The following PPP1R9A variants were observed in gnomAD, a reference collection of about 807,000 sequenced individuals.
PPP1R9A encodes neurabin-1.
PPP1R9A carries 59 observed loss-of-function variants against 141.9 expected under a neutral mutation model. The observed-to-expected ratio is 0.42, with a 90% confidence interval of 0.34 to 0.52. PPP1R9A has a LOEUF of 0.52. Among genes scored for constraint, PPP1R9A ranks in the 20% least tolerant of loss-of-function variants. The pLI is 0.10. For synonymous variants in PPP1R9A, 500 were observed against 569.7 expected (o/e 0.88, Z 1.74); for missense variants, 1,444 against 1,611.9 (o/e 0.90, Z 1.78).
intron 2 of PPP1R9A, among the ~76,000 whole-genome samples, chr7:94,924,828 C>G (rs1793271979): frequency 6.6e-6 from 1 of 152,112 alleles, no homozygotes; most frequent in South Asian, 2.1e-4. Context: ...CTGCGTCTGG[C>G]CTACCAAACG....
At chr7:95,062,418 ATTT>A (rs576031319) in intron 2 of PPP1R9A, among the ~76,000 whole-genome samples, 6 of 138,576 alleles carry the variant, frequency 4.3e-5, no homozygotes, top group Non-Finnish European at 3.2e-5. Flanking sequence ...AGATTAGGGA[ATTT>A]TTTTTTTTTT....
At position 95,288,438 on chromosome 7, in the gene PPP1R9A, A is replaced by G. The variant is rs1050405512; in HGVS notation, c.3730-98A>G. ...CTTATCATATTTTGGTTTAAACATA[A>G]ATGTGGCTCTCATAGGTTAAGAAAT... On this transcript the variant is annotated intron_variant, in intron 18 of 19. Coordinates refer to ENST00000433360, the MANE Select transcript of PPP1R9A (RefSeq NM_001166160.2). 6 of 1,482,746 alleles carry G rather than the reference A, an allele frequency of 4.0e-6. No individual in the cohort carries two copies. The African/African-American group carries it at 8.4e-5, about 21-fold the overall frequency. 91.8% of individuals were successfully genotyped at this position (1,482,746 alleles called of 1,614,324 possible). A position where few individuals can be genotyped will look rare whatever the true frequency, so the allele number is the denominator to read the frequency against.
rs1821305865 is a variant in PPP1R9A at position 95,115,414 on chromosome 7, G to T, written c.1528+4023G>T. Among the ~76,000 whole-genome samples the T allele has an allele frequency of 2.6e-5, 4 of 152,006 alleles. No homozygotes were observed. In the East Asian group the frequency reaches 7.7e-4, roughly 29 times the overall value. ...CATTAAAATGTCATCACAACCAGAT[G>T]ATTCTATTGTACCTTTAAAGAATGC... On this transcript the variant is annotated intron_variant, in intron 3 of 19. Transcript: ENST00000433360.
At chr7:95,135,392 T>G (rs953128153) in intron 4 of PPP1R9A, among the ~76,000 whole-genome samples, 13 of 152,206 alleles carry the variant, frequency 8.5e-5, no homozygotes, top group Non-Finnish European at 1.8e-4. Context: ...TTTTCCAGCA[T>G]TTTTGCTATC....
At chr7:95,078,466 CATTA>C (rs1815224902) in intron 2 of PPP1R9A, among the ~76,000 whole-genome samples, 2 of 151,774 alleles carry the variant, frequency 1.3e-5, no homozygotes. Context: ...TTTATAGCAG[CATTA>C]TTTATAGTCC....
chr7:95,273,919 T>G lies in PPP1R9A; in HGVS notation c.3145T>G (p.Ser1049Ala). The change falls in exon 15 of 20, where the codon TCA (serine) becomes GCA (alanine). Residue 1049 changes from serine (S) to alanine (A), a missense_variant. This residue lies in a region of PPP1R9A where 459 missense variants were observed against 513.8 expected (regional missense o/e 0.89). Coordinates refer to ENST00000433360, the MANE Select transcript of PPP1R9A (RefSeq NM_001166160.2). ...CCTAGATGATGCCAAAGATCCCAAA[T>G]CACTAAGGGCATCCAGTTCATTGGC... ...REKDDAKDPKSLRASSSLAVQ... is the reference protein window; with the variant it reads ...REKDDAKDPKALRASSSLAVQ... 6.6e-7 allele frequency: 1 copy of G among 1,504,134 alleles called. No homozygotes were observed. Among genetic ancestry groups the G allele is most frequent in the Non-Finnish European group, 9.1e-7 (1 of 1,094,838 alleles). 93.2% of individuals were successfully genotyped at this position (1,504,134 alleles called of 1,614,324 possible).
chr7:95,109,922 A>C (rs1820252655), intron 2 of PPP1R9A, among the ~76,000 whole-genome samples: 1 of 152,066 alleles, frequency 6.6e-6, no homozygotes, highest in African/African-American at 2.4e-5. Flanking sequence ...TGAAAAGATA[A>C]ATAAAAGCAC....
At chr7:94,956,999 TAA>T (rs1277199319) in intron 2 of PPP1R9A, among the ~76,000 whole-genome samples, 1 of 152,168 alleles carries the variant, frequency 6.6e-6, no homozygotes, top group Non-Finnish European at 1.5e-5. Context: ...TTTTCACAAA[TAA>T]AGTGTTAAAC....
At chr7:95,037,267 T>C (rs1306936660) in intron 2 of PPP1R9A, among the ~76,000 whole-genome samples, 11 of 152,174 alleles carry the variant, frequency 7.2e-5, no homozygotes, top group Non-Finnish European at 1.3e-4. Context: ...ATTTTATATA[T>C]AAATGTATCT....
At chr7:95,097,959 G>T (rs75329757) in intron 2 of PPP1R9A, among the ~76,000 whole-genome samples, 2,688 of 152,296 alleles carry the variant, frequency 0.018, 86 homozygotes, top group African/African-American at 0.061. Context: ...AAGATGGGAG[G>T]CTGGAAGCCT....
chr7:94,918,814 A>G (rs1792407695), intron 2 of PPP1R9A, among the ~76,000 whole-genome samples: 1 of 152,234 alleles, frequency 6.6e-6, no homozygotes, highest in African/African-American at 2.4e-5. Flanking sequence ...TCAAAAGGAT[A>G]GCACACTACA....
chr7:94,921,332 A>G (rs527501422), intron 2 of PPP1R9A, among the ~76,000 whole-genome samples: 19 of 151,970 alleles, frequency 1.3e-4, no homozygotes, highest in Non-Finnish European at 2.4e-4. Flanking sequence ...CTGTAGTCCC[A>G]GCTACTCGGG....
intron 2 of PPP1R9A, among the ~76,000 whole-genome samples, chr7:95,084,486 C>T (rs1174508224): frequency 1.3e-5 from 2 of 151,778 alleles, no homozygotes; most frequent in African/African-American, 4.9e-5. Flanking sequence ...TAATTTTTTT[C>T]ATGCTTGCTT....
At chr7:95,252,163 G>A in intron 12 of PPP1R9A, 33 bp downstream of exon 12, 1 of 1,525,890 alleles carries the variant, frequency 6.6e-7, no homozygotes, top group East Asian at 2.3e-5. Context: ...AATCATTTTT[G>A]ATGACTGTGT....
At chr7:94,972,361 C>T (rs967649342) in intron 2 of PPP1R9A, among the ~76,000 whole-genome samples, 1 of 151,894 alleles carries the variant, frequency 6.6e-6, no homozygotes, top group East Asian at 1.9e-4. Flanking sequence ...AAAGCAACAA[C>T]CTTTCTTAGA....
chr7:95,094,618 A>G (rs931031281), intron 2 of PPP1R9A, among the ~76,000 whole-genome samples: 22 of 151,996 alleles, frequency 1.4e-4, no homozygotes, highest in African/African-American at 2.2e-4. Flanking sequence ...GGTGGCTCAC[A>G]CCTGTAATCC....
At chr7:95,072,633 TTATAA>T (rs1814010068) in intron 2 of PPP1R9A, among the ~76,000 whole-genome samples, 1 of 127,158 alleles carries the variant, frequency 7.9e-6, no homozygotes, top group South Asian at 2.2e-4. Context: ...TTTTGAAATT[TTATAA>T]TATATAATAT....
At chr7:95,040,699 G>A (rs1809110840) in intron 2 of PPP1R9A, among the ~76,000 whole-genome samples, 1 of 151,978 alleles carries the variant, frequency 6.6e-6, no homozygotes, top group South Asian at 2.1e-4. Flanking sequence ...CCTTTCCCTT[G>A]TGCCACATCT....
At chr7:95,227,250 T>C (rs1026348548) in intron 8 of PPP1R9A, among the ~76,000 whole-genome samples, 2 of 152,196 alleles carry the variant, frequency 1.3e-5, no homozygotes, top group Non-Finnish European at 2.9e-5. Context: ...GAGATCAAAA[T>C]AGTATTCCCT....
Sources: gnomAD v4.1 joint callset for allele counts (sites outside exome capture counted in the v4.1 genomes callset) on GRCh38, gnomAD v4.1.1 for gene constraint, gnomAD v4.1.1 regional missense constraint, MANE v1.5 for transcripts, NCBI Gene and HGNC (gene_info 2026-07-23, HGNC 2026-07-21) for gene names.